Variants in IGHMBP2 observed in about 807,000 individuals in gnomAD.
IGHMBP2 encodes DNA-binding protein SMUBP-2.
In IGHMBP2, 81 loss-of-function variants were observed where a neutral mutation model predicts 96.0. The observed-to-expected ratio is 0.84, with a 90% CI of 0.71 to 1.01. The LOEUF is 1.01. IGHMBP2 is among the 50% of genes least tolerant of loss of function. The probability of loss-of-function intolerance (pLI) is 0.00; values close to 1 mark genes in which losing one functional copy is unlikely to be tolerated. For synonymous variants in IGHMBP2, 557 were observed against 548.9 expected (o/e 1.01, Z -0.21); for missense variants, 1,227 against 1,306.3 (o/e 0.94, Z 0.94).
chr11:68,918,654 A>G (rs1858763188), intron 7 of IGHMBP2, among the ~76,000 whole-genome samples: 1 of 151,522 alleles, frequency 6.6e-6, no homozygotes, highest in Non-Finnish European at 1.5e-5. Flanking sequence ...AAAAATAAAA[A>G]CCCCAAAACC....
At chr11:68,914,676 T>C in intron 5 of IGHMBP2, 147 bp from the exon 6 acceptor site, 2 of 865,266 alleles carry the variant, frequency 2.3e-6, no homozygotes, top group Non-Finnish European at 3.9e-6. Context: ...ACACGTGGGC[T>C]TGGAAAATGA....
chr11:68,926,923 G>A (rs1430123304), intron 7 of IGHMBP2, among the ~76,000 whole-genome samples: 1 of 152,004 alleles, frequency 6.6e-6, no homozygotes, highest in African/African-American at 2.4e-5. Flanking sequence ...CCACCACCAC[G>A]CCTGGCTGAT....
chr11:68,921,779 G>A (rs934939537), intron 7 of IGHMBP2, among the ~76,000 whole-genome samples: 1 of 152,112 alleles, frequency 6.6e-6, no homozygotes, highest in African/African-American at 2.4e-5. Context: ...CACCTGAAAG[G>A]CATCCATGAT....
intron 7 of IGHMBP2, among the ~76,000 whole-genome samples, chr11:68,923,189 T>A (rs1362048815): frequency 4.6e-5 from 7 of 152,048 alleles, no homozygotes; most frequent in Non-Finnish European, 7.4e-5. Context: ...ATTCCTATAA[T>A]CTTTTTTTTT....
intron 4 of IGHMBP2, among the ~76,000 whole-genome samples, 165 bp downstream of exon 4, chr11:68,908,796 C>T (rs534265825): frequency 6.6e-5 from 10 of 150,582 alleles, no homozygotes; most frequent in African/African-American, 2.2e-4. Context: ...TGAACTGGAC[C>T]GTCCTCCTTG....
chr11:68,935,556 A>C, intron 12 of IGHMBP2, 134 bp downstream of exon 12: 4 of 1,085,886 alleles, frequency 3.7e-6, no homozygotes, highest in Non-Finnish European at 4.2e-6. Context: ...TGTCCTTAGT[A>C]AGTTCACGTC....
intron 5 of IGHMBP2, among the ~76,000 whole-genome samples, chr11:68,914,326 G>C (rs2154007159): frequency 6.6e-6 from 1 of 152,302 alleles, no homozygotes; most frequent in African/African-American, 2.4e-5. Context: ...AAATATAGTG[G>C]AGCTACAGTG....
chr11:68,924,460 G>A (rs1858991641), intron 7 of IGHMBP2, among the ~76,000 whole-genome samples: 1 of 152,246 alleles, frequency 6.6e-6, no homozygotes, highest in Admixed American at 6.5e-5. Flanking sequence ...GCTGTGCTCA[G>A]GATCTCACAA....
At chr11:68,904,214 A>G (rs2154006383) in intron 1 of IGHMBP2, among the ~76,000 whole-genome samples, 176 bp downstream of exon 1, 1 of 151,874 alleles carries the variant, frequency 6.6e-6, no homozygotes, top group African/African-American at 2.4e-5. Flanking sequence ...CAGTCTCATC[A>G]CTTCCTGGGC....
chr11:68,916,852 G>T lies in IGHMBP2; in HGVS notation c.913-884G>T, dbSNP rs879335656. ...ACAAATGTGGGTGATTTCATTTCCTGTTGAAATTGGTGCTTTTGAGGATTT... is the reference window on the plus strand; with the variant it reads ...ACAAATGTGGGTGATTTCATTTCCTTTTGAAATTGGTGCTTTTGAGGATTT... On this transcript the variant is annotated intron_variant, in intron 6 of 14. Transcript: ENST00000255078. Among the ~76,000 whole-genome samples the T allele has an allele frequency of 1.5e-4, 23 of 151,970 alleles. 1 individual carries two copies. Among genetic ancestry groups the T allele is most frequent in the Non-Finnish European group, 1.5e-5 (1 of 68,012 alleles).
intron 8 of IGHMBP2, chr11:68,930,343 T>G (rs1246646478): frequency 7.8e-7 from 1 of 1,289,800 alleles, no homozygotes; most frequent in South Asian, 1.2e-5. Context: ...CTCGGAACTT[T>G]CGTTGTTTTC....
intron 6 of IGHMBP2, among the ~76,000 whole-genome samples, chr11:68,915,987 C>A (rs1250157855): frequency 2.6e-5 from 4 of 151,520 alleles, no homozygotes; most frequent in Non-Finnish European, 5.9e-5. Flanking sequence ...CAGCCTGGCC[C>A]ACATGGTGAA....
chr11:68,915,229 G>C (rs1223597615), intron 6 of IGHMBP2, among the ~76,000 whole-genome samples: 1 of 123,794 alleles, frequency 8.1e-6, no homozygotes, highest in Non-Finnish European at 1.7e-5. Context: ...GCTCAGGCTG[G>C]AGTGCAGTGG....
rs548769862 is a variant in IGHMBP2, at chr11:68,938,093, C to T, written c.2612-89C>T. The T allele has an allele frequency of 5.4e-5, 78 of 1,434,628 alleles. No homozygotes were observed. The African/African-American group carries it at 6.7e-4, about 12-fold the overall frequency. 88.9% of individuals were successfully genotyped at this position (1,434,628 alleles called of 1,614,324 possible). A position where few individuals can be genotyped will look rare whatever the true frequency, so the allele number is the denominator to read the frequency against. Reference sequence around the variant, plus strand: ...TGCTGGGATTACAGGTGTGAGCCACCGTGCTTAGCCATGAATTGATTTTAA... The same window carrying T: ...TGCTGGGATTACAGGTGTGAGCCACTGTGCTTAGCCATGAATTGATTTTAA... On this transcript the variant is annotated intron_variant, in intron 13 of 14. Transcript: ENST00000255078.
Position 68,936,313 on chromosome 11 carries a change from C to G in IGHMBP2, c.1833C>G (p.Ile611Met), listed in dbSNP as rs752495359. The change falls in exon 13 of 15, where the codon ATC becomes ATG. Residue 611 changes from isoleucine to methionine, a missense_variant. This residue lies in a region of IGHMBP2 where 703 missense variants were observed against 770.3 expected (regional missense o/e 0.91). Transcript: ENST00000255078. ...VTRARRHVAV[I>M]CDSRTVNNHA... ...GTGCCCGACGCCACGTGGCGGTCAT[C>G]TGTGACTCCCGTACTGTCAACAACC... 9 of 1,614,118 alleles carry G rather than the reference C, an allele frequency of 5.6e-6. No individual in the cohort carries two copies. Among genetic ancestry groups the G allele is most frequent in the Non-Finnish European group, 7.6e-6 (9 of 1,180,052 alleles).
In IGHMBP2 at chr11:68,939,651, C is replaced by T. The variant is rs1859676800; in HGVS notation, c.2902C>T (p.Gln968Ter). 3 of 1,613,352 alleles carry T rather than the reference C, an allele frequency of 1.9e-6. No individual in the cohort carries two copies. The highest frequency in any genetic ancestry group is 2.2e-5 in the South Asian group (2 of 91,020). The change falls in exon 15 of 15, where the codon CAG becomes TAG. Residue 968 changes from glutamine (Q) to a stop codon, truncating the protein, a stop_gained. Coordinates refer to ENST00000255078, the MANE Select transcript of IGHMBP2 (RefSeq NM_002180.3). LOFTEE classifies it high-confidence loss of function. The stretch of plus-strand genomic sequence containing the variant: ...ATCCCTGGACCCAGCCAAGAGGGCC[C>T]AGCTGCAGAGGAGGCTGGATAAGAA... ...NGSLDPAKRA[Q>*]LQRRLDKKLS... is the part of the protein sequence containing the mutation.
intron 7 of IGHMBP2, among the ~76,000 whole-genome samples, chr11:68,922,357 G>A (rs1299160702): frequency 1.3e-5 from 2 of 151,894 alleles, no homozygotes; most frequent in Non-Finnish European, 2.9e-5. Context: ...TTTATCACTG[G>A]TTTTAAGCAA....
chr11:68,919,210 G>A (rs1858787850), intron 7 of IGHMBP2, among the ~76,000 whole-genome samples: 1 of 109,750 alleles, frequency 9.1e-6, no homozygotes, highest in Non-Finnish European at 2.1e-5. Context: ...TCCCCGTCCT[G>A]TGTGGGATCT....
chr11:68,924,688 A>G (rs1195888142), intron 7 of IGHMBP2, among the ~76,000 whole-genome samples: 4 of 152,202 alleles, frequency 2.6e-5, no homozygotes, highest in African/African-American at 9.7e-5. Flanking sequence ...TCCTAGCACA[A>G]TGGGTTATCG....
Sources: gnomAD v4.1 joint callset for allele counts (sites outside exome capture counted in the v4.1 genomes callset) on GRCh38, gnomAD v4.1.1 for gene constraint, gnomAD v4.1.1 regional missense constraint, MANE v1.5 for transcripts, NCBI Gene and HGNC (gene_info 2026-07-23, HGNC 2026-07-21) for gene names.